DNAAF9: variants seen among roughly 807,000 people sequenced by gnomAD.
The protein encoded by DNAAF9 is shulin.
A neutral mutation model predicts 167.0 loss-of-function variants in DNAAF9; 90 were observed. The ratio of observed to expected loss-of-function variants is 0.54; its 90% CI spans 0.45 to 0.64. DNAAF9 has a LOEUF of 0.64. Among genes scored for constraint, DNAAF9 ranks in the 30% least tolerant of loss-of-function variants. The pLI is 0.00. For synonymous variants in DNAAF9, 491 were observed against 508.8 expected, an observed-to-expected ratio of 0.96 and a Z score of 0.47; for missense variants, 1,315 against 1,442.2, an observed-to-expected ratio of 0.91 and a Z score of 1.43.
intron 12 of DNAAF9, among the ~76,000 whole-genome samples, chr20:3,330,243 T>C (rs1010336201): frequency 6.6e-6 from 1 of 151,882 alleles, no homozygotes; most frequent in Non-Finnish European, 1.5e-5. Context: ...AAACCAGATG[T>C]CTTCTTCTTC....
At chr20:3,325,086 C>T in intron 13 of DNAAF9, 118 bp from the exon 14 acceptor site, 1 of 707,202 alleles carries the variant, frequency 1.4e-6, no homozygotes, top group Admixed American at 2.1e-5. Context: ...ACAGTGTGTC[C>T]TTCCCATCTA....
intron 29 of DNAAF9, among the ~76,000 whole-genome samples, chr20:3,271,894 C>G (rs2068600672): frequency 6.6e-6 from 1 of 152,146 alleles, no homozygotes; most frequent in Non-Finnish European, 1.5e-5. Flanking sequence ...GCTGGGATTA[C>G]AGGTGTGAGC....
chr20:3,368,149 G>C lies in DNAAF9; in HGVS notation c.612+5899C>G, dbSNP rs77600079. On this transcript the variant is annotated intron_variant, in intron 6 of 36. Coordinates refer to ENST00000252032, the MANE Select transcript of DNAAF9 (RefSeq NM_001009984.3). Reference sequence around the variant, plus strand: ...CTGCTGAGTACCGACTGGGGCAAGGGGAATCTTTGGACGGTTCTTTCCTCT... The same window carrying C: ...CTGCTGAGTACCGACTGGGGCAAGGCGAATCTTTGGACGGTTCTTTCCTCT... Among the ~76,000 whole-genome samples the C allele has an allele frequency of 2.6e-3, 397 of 152,184 alleles. 4 individuals carry two copies. The highest frequency in any genetic ancestry group is 0.017 in the East Asian group (89 of 5,178).
chr20:3,285,917 T>G (rs1600707205), intron 27 of DNAAF9, among the ~76,000 whole-genome samples: 1 of 150,266 alleles, frequency 6.7e-6, no homozygotes. Flanking sequence ...GAGGTGGAGG[T>G]TGCAGTGAGC....
intron 26 of DNAAF9, among the ~76,000 whole-genome samples, chr20:3,288,076 G>C (rs186164468): frequency 4.8e-4 from 73 of 152,362 alleles, no homozygotes; most frequent in African/African-American, 1.7e-3. Flanking sequence ...AGGTAAGAAA[G>C]ACTCCTTCTG....
At chr20:3,332,129 T>C (rs1210282332) in intron 11 of DNAAF9, 151 bp downstream of exon 11, 5 of 584,944 alleles carry the variant, frequency 8.5e-6, no homozygotes, top group African/African-American at 1.9e-5. Context: ...ACATATCAAC[T>C]ATCCAGAAGT....
Position 3,284,977 on chromosome 20 carries a change from C to T in DNAAF9, c.2486+2655G>A, listed in dbSNP as rs998444038. Among the ~76,000 whole-genome samples the T allele has an allele frequency of 1.8e-4, 27 of 152,080 alleles. 1 individual carries two copies. Among genetic ancestry groups the T allele is most frequent in the Non-Finnish European group, 2.9e-5 (2 of 68,014 alleles). ...AAACAGTTCCAACACACAAGGATCCCTTGTGTTGCCCTTTTATAAACATGC... is the reference window on the plus strand; with the variant it reads ...AAACAGTTCCAACACACAAGGATCCTTTGTGTTGCCCTTTTATAAACATGC... On this transcript the variant is annotated intron_variant, in intron 27 of 36. Coordinates refer to ENST00000252032, the MANE Select transcript of DNAAF9 (RefSeq NM_001009984.3).
intron 1 of DNAAF9, among the ~76,000 whole-genome samples, chr20:3,396,341 T>C (rs1239134783): frequency 1.3e-5 from 2 of 152,240 alleles, no homozygotes; most frequent in African/African-American, 4.8e-5. Context: ...TTATTTACAA[T>C]TTATTTACAG....
At chr20:3,290,951 G>A (rs940703441) in intron 25 of DNAAF9, among the ~76,000 whole-genome samples, 8 of 152,136 alleles carry the variant, frequency 5.3e-5, no homozygotes, top group Admixed American at 1.3e-4. Context: ...ACCATACCCA[G>A]CTAATTTTTT....
At chr20:3,344,562 T>C (rs912789693) in intron 8 of DNAAF9, among the ~76,000 whole-genome samples, 11 of 150,740 alleles carry the variant, frequency 7.3e-5, no homozygotes, top group Non-Finnish European at 1.3e-4. Flanking sequence ...TATTAATTCT[T>C]CAATATAATG....
intron 13 of DNAAF9, 68 bp downstream of exon 13, chr20:3,326,129 A>G (rs766161237): frequency 1.7e-5 from 20 of 1,193,514 alleles, no homozygotes; most frequent in Non-Finnish European, 2.5e-5. Flanking sequence ...CCAAAGAAGA[A>G]ACACATGGAT....
intron 20 of DNAAF9, among the ~76,000 whole-genome samples, chr20:3,309,394 C>T (rs2069362407): frequency 6.6e-6 from 1 of 152,158 alleles, no homozygotes; most frequent in South Asian, 2.1e-4. Context: ...AATCCACTCA[C>T]TCTGTGGTAT....
At chr20:3,306,983 C>CT (rs1227709221) in intron 20 of DNAAF9, 1 of 985,236 alleles carries the variant, frequency 1.0e-6, no homozygotes, top group East Asian at 1.1e-4. Context: ...CTGGGTATCC[C>CT]TCTACATTTG....
intron 12 of DNAAF9, among the ~76,000 whole-genome samples, chr20:3,327,335 T>G (rs1265857825): frequency 6.6e-6 from 1 of 152,036 alleles, no homozygotes; most frequent in Non-Finnish European, 1.5e-5. Context: ...TAATCAAAAA[T>G]TTCTCCAGAC....
At chr20:3,327,584 T>C (rs1416521772) in intron 12 of DNAAF9, among the ~76,000 whole-genome samples, 2 of 151,790 alleles carry the variant, frequency 1.3e-5, no homozygotes, top group Non-Finnish European at 2.9e-5. Context: ...TGTAAAGGAA[T>C]CAGGTAAAGG....
chr20:3,384,291 A>G (rs1159991812), intron 1 of DNAAF9: 1 of 152,242 alleles, frequency 6.6e-6, no homozygotes, highest in African/African-American at 2.4e-5. Context: ...CTGAATGAGT[A>G]GAGCACTAGA....
chr20:3,368,807 T>G (rs910438432), intron 6 of DNAAF9, among the ~76,000 whole-genome samples: 11 of 149,540 alleles, frequency 7.4e-5, no homozygotes, highest in Admixed American at 7.4e-4. Flanking sequence ...CATGAGCCAC[T>G]GCGCCCGGCC....
chr20:3,319,095 A>G (rs2069563115), intron 16 of DNAAF9, among the ~76,000 whole-genome samples: 1 of 122,382 alleles, frequency 8.2e-6, no homozygotes, highest in Non-Finnish European at 2.0e-5. Context: ...AAAAAAAAAA[A>G]AAAAAAAAAG....
At position 3,294,235 on chromosome 20, in the gene DNAAF9, G is replaced by C; in HGVS notation, c.2142C>G (p.Ile714Met). 6.2e-7 allele frequency: 1 copy of C among 1,611,762 alleles called. No individual in the cohort carries two copies. Among genetic ancestry groups the C allele is most frequent in the Non-Finnish European group, 8.5e-7 (1 of 1,177,876 alleles). Residue 714 changes from isoleucine (I) to methionine (M), a missense_variant, in exon 25 of 37, where the codon ATC (isoleucine) becomes ATG (methionine). Coordinates refer to ENST00000252032, the MANE Select transcript of DNAAF9 (RefSeq NM_001009984.3). ...TCACAGGCTCCTGGCTAATGCTGCT[G>C]ATGGCGAAATGCTGGAGAAACCTAA... ...ELDWFLQHFA[I>M]SSISQEPVMR...
Sources: gnomAD v4.1 joint callset for allele counts (sites outside exome capture counted in the v4.1 genomes callset) on GRCh38, gnomAD v4.1.1 for gene constraint, MANE v1.5 for transcripts, NCBI Gene and HGNC (gene_info 2026-07-23, HGNC 2026-07-21) for gene names.